Variants in SLC22A16 observed in about 807,000 individuals in gnomAD.
SLC22A16 encodes the protein WUGSC:RG331P03.1.
SLC22A16 carries 53 observed loss-of-function variants against 52.9 expected under a neutral mutation model. The ratio of observed to expected loss-of-function variants is 1.00; its 90% CI spans 0.80 to 1.26. The LOEUF is 1.26. Ranked by LOEUF, SLC22A16 falls within the 50% of genes most tolerant of loss-of-function variation. The probability of loss-of-function intolerance (pLI) is 0.00; values close to 1 mark genes in which losing one functional copy is unlikely to be tolerated. For missense variants in SLC22A16, 726 were observed against 704.0 expected (o/e 1.03, Z -0.35); for synonymous variants, 291 against 268.8 (o/e 1.08, Z -0.81).
At chr6:110,434,338 C>T (rs917237295) in intron 6 of SLC22A16, among the ~76,000 whole-genome samples, 3 of 152,110 alleles carry the variant, frequency 2.0e-5, no homozygotes, top group South Asian at 2.1e-4. Flanking sequence ...TACTTGATCT[C>T]CCTGGTCTCA....
chr6:110,463,316 A>T (rs1775950007), intron 1 of SLC22A16, among the ~76,000 whole-genome samples: 1 of 151,998 alleles, frequency 6.6e-6, no homozygotes, highest in Admixed American at 6.6e-5. Context: ...CTCCACTTAG[A>T]GGATATAGAT....
intron 1 of SLC22A16, among the ~76,000 whole-genome samples, chr6:110,463,183 A>G (rs1193937375): frequency 6.6e-6 from 1 of 152,136 alleles, no homozygotes; most frequent in African/African-American, 2.4e-5. Flanking sequence ...ACATAAGTAG[A>G]AAGTTCACAG....
intron 1 of SLC22A16, among the ~76,000 whole-genome samples, chr6:110,459,872 A>ACT (rs1775805226): frequency 6.6e-6 from 1 of 152,222 alleles, no homozygotes; most frequent in African/African-American, 2.4e-5. Context: ...TTCTGAAGTA[A>ACT]AAAATCACCG....
chr6:110,475,895 C>G, intron 1 of SLC22A16: 1 of 456,620 alleles, frequency 2.2e-6, no homozygotes, highest in Admixed American at 2.3e-5. Flanking sequence ...GAGTCCTTGA[C>G]CCCGCCAGCT....
At position 110,426,951 on chromosome 6, in the gene SLC22A16, A is replaced by T. The variant is rs1001008467; in HGVS notation, c.1522-1866T>A. On this transcript the variant is annotated intron_variant, in intron 7 of 7. Transcript: ENST00000368919. ...GGCAACAAGAGTGAAACTCCGTCTT[A>T]AAAAAAAAACTTCTCAAAGACTGGG... is the stretch of plus-strand genomic sequence containing the variant. Among the ~76,000 whole-genome samples, 4 of 147,716 alleles carry T rather than the reference A, an allele frequency of 2.7e-5. No individual in the cohort carries two copies. The South Asian group carries it at 6.4e-4, about 24-fold the overall frequency.
Position 110,438,725 on chromosome 6 carries a change from G to C in SLC22A16, c.1306C>G (p.Pro436Ala), listed in dbSNP as rs1328801739. The C allele has an allele frequency of 6.2e-6, 10 of 1,611,798 alleles. No homozygotes were observed. The highest frequency in any genetic ancestry group is 8.5e-6 in the Non-Finnish European group (10 of 1,179,120). The change falls in exon 5 of 8, where the codon CCC becomes GCC. Residue 436 changes from proline (P) to alanine (A), a missense_variant. By Grantham distance (27) the Pro-to-Ala change is conservative. Coordinates refer to ENST00000368919, the MANE Select transcript of SLC22A16 (RefSeq NM_033125.4). Reference protein sequence around the residue: ...ALACGVVMVIPQKHYILGVVT... With the variant: ...ALACGVVMVIAQKHYILGVVT... ...AAAAACAGAAGATAACTCACCTGGGGGATCACCATAACGACACCACAGGCC... is the reference window on the plus strand; with the variant it reads ...AAAAACAGAAGATAACTCACCTGGGCGATCACCATAACGACACCACAGGCC...
chr6:110,464,210 C>A (rs1239607774), intron 1 of SLC22A16, among the ~76,000 whole-genome samples: 2 of 151,878 alleles, frequency 1.3e-5, no homozygotes, highest in African/African-American at 4.8e-5. Context: ...AAATTAACAA[C>A]CATTAATGCC....
intron 7 of SLC22A16, among the ~76,000 whole-genome samples, chr6:110,427,324 C>T (rs114565750): frequency 0.014 from 2,091 of 151,850 alleles, 40 homozygotes; most frequent in African/African-American, 0.046. Flanking sequence ...AATCTCCATA[C>T]CCACATTGCC....
At chr6:110,465,174 AC>A (rs1290907193) in intron 1 of SLC22A16, among the ~76,000 whole-genome samples, 1 of 152,040 alleles carries the variant, frequency 6.6e-6, no homozygotes, top group African/African-American at 2.4e-5. Flanking sequence ...TATATAACAA[AC>A]CCGTAGCCAA....
intron 2 of SLC22A16, among the ~76,000 whole-genome samples, chr6:110,451,977 C>T (rs1448262625): frequency 6.6e-6 from 1 of 152,190 alleles, no homozygotes; most frequent in African/African-American, 2.4e-5. Flanking sequence ...GTATTTCCTT[C>T]TATATAGCTA....
intron 7 of SLC22A16, chr6:110,425,403 G>A (rs1159278285): frequency 2.3e-6 from 3 of 1,326,540 alleles, no homozygotes; most frequent in South Asian, 2.5e-5. Flanking sequence ...AAAGAAAAAA[G>A]ACACTTACCC....
At chr6:110,437,121 A>G (rs1774766560) in intron 5 of SLC22A16, among the ~76,000 whole-genome samples, 1 of 152,210 alleles carries the variant, frequency 6.6e-6, no homozygotes, top group South Asian at 2.1e-4. Context: ...TGCCTCTATT[A>G]AAGAGCTAAT....
chr6:110,441,722 TC>T (rs1204155399), intron 4 of SLC22A16, among the ~76,000 whole-genome samples: 7 of 152,178 alleles, frequency 4.6e-5, no homozygotes, highest in African/African-American at 1.4e-4. Flanking sequence ...GCATGCTCAT[TC>T]CTCTCATCAA....
chr6:110,471,612 G>C (rs1776263340), intron 1 of SLC22A16, among the ~76,000 whole-genome samples: 1 of 152,186 alleles, frequency 6.6e-6, no homozygotes, highest in African/African-American at 2.4e-5. Context: ...TGGAACAAAA[G>C]AAGCCAAAGG....
intron 1 of SLC22A16, among the ~76,000 whole-genome samples, chr6:110,459,622 T>G (rs910780645): frequency 6.6e-6 from 1 of 152,084 alleles, no homozygotes; most frequent in African/African-American, 2.4e-5. Flanking sequence ...ACTGGTGAAA[T>G]TCAAATGAAG....
At chr6:110,441,441 C>G (rs983107166) in intron 4 of SLC22A16, among the ~76,000 whole-genome samples, 1 of 152,146 alleles carries the variant, frequency 6.6e-6, no homozygotes, top group African/African-American at 2.4e-5. Flanking sequence ...CACGGTTTTA[C>G]GAGTCTGATC....
In SLC22A16 at chr6:110,456,820, T is replaced by C. The variant is rs760493184; in HGVS notation, c.251A>G (p.Asp84Gly). 1.2e-6 allele frequency: 2 copies of C among 1,614,092 alleles called. No individual in the cohort carries two copies. The highest frequency in any genetic ancestry group is 1.7e-5 in the Admixed American group (1 of 60,008). ...ATTCTGCAACTGCACCGTAACATAA[T>C]CTTTCTGGCCTGAAGACAACAGGGC... ...TGALLSSGQK[D>G]YVTVQLQNGE... Residue 84 changes from aspartate to glycine, a missense_variant, in exon 2 of 8, where the codon GAT (aspartate) becomes GGT (glycine). By Grantham distance (94) the Asp-to-Gly change is moderately conservative. Transcript: ENST00000368919.
chr6:110,454,184 C>T (rs1006777993), intron 2 of SLC22A16, among the ~76,000 whole-genome samples: 1 of 152,142 alleles, frequency 6.6e-6, no homozygotes, highest in Admixed American at 6.5e-5. Context: ...TAGCACTCAT[C>T]TTTTAAGGTA....
intron 6 of SLC22A16, 86 bp from the exon 7 acceptor site, chr6:110,431,356 C>T (rs990724428): frequency 9.4e-5 from 108 of 1,150,858 alleles, no homozygotes; most frequent in African/African-American, 9.0e-5. Flanking sequence ...TCCTTTCCCA[C>T]GCTCCCCAGC....
Sources: gnomAD v4.1 joint callset for allele counts (sites outside exome capture counted in the v4.1 genomes callset) on GRCh38, gnomAD v4.1.1 for gene constraint, MANE v1.5 for transcripts, NCBI Gene and HGNC (gene_info 2026-07-23, HGNC 2026-07-21) for gene names.